Variants in RNF150 observed in about 807,000 individuals in gnomAD.
RNF150 encodes the protein ring finger protein 150.
RNF150 carries 24 observed loss-of-function variants against 39.3 expected under a neutral mutation model. The ratio of observed to expected loss-of-function variants is 0.61; its 90% CI spans 0.44 to 0.86. RNF150 has a LOEUF of 0.86. Ranked by LOEUF, RNF150 falls within the 40% of genes least tolerant of loss-of-function variation. RNF150 has a pLI of 0.00. For missense variants in RNF150, 502 were observed against 587.8 expected (o/e 0.85, Z 1.51); for synonymous variants, 255 against 227.3 (o/e 1.12, Z -1.10).
At chr4:140,937,897 C>T (rs951905898) in intron 4 of RNF150, among the ~76,000 whole-genome samples, 2 of 151,868 alleles carry the variant, frequency 1.3e-5, no homozygotes, top group African/African-American at 4.8e-5. Flanking sequence ...TAAGTCAAAT[C>T]CTATGAAAAT....
chr4:141,078,664 C>T (rs1347792596), intron 1 of RNF150, among the ~76,000 whole-genome samples: 1 of 150,704 alleles, frequency 6.6e-6, no homozygotes, highest in African/African-American at 2.4e-5. Context: ...GTGGCAGGCA[C>T]CTGTAGTCCC....
intron 1 of RNF150, among the ~76,000 whole-genome samples, chr4:141,128,102 G>A (rs751141221): frequency 2.0e-5 from 3 of 152,166 alleles, no homozygotes; most frequent in African/African-American, 4.8e-5. Flanking sequence ...GGGTAAATAA[G>A]GAGTTCTTTC....
intron 4 of RNF150, among the ~76,000 whole-genome samples, chr4:140,927,455 T>C (rs1397599562): frequency 1.3e-5 from 2 of 152,058 alleles, no homozygotes; most frequent in Non-Finnish European, 2.9e-5. Context: ...TCATGAGATC[T>C]GGTCATTTAA....
At chr4:140,960,789 G>C (rs1732990541) in intron 2 of RNF150, among the ~76,000 whole-genome samples, 1 of 152,142 alleles carries the variant, frequency 6.6e-6, no homozygotes, top group Non-Finnish European at 1.5e-5. Flanking sequence ...TATATGTAAG[G>C]TATGTAAGAA....
chr4:141,135,340 C>G (rs1287877736), upstream of RNF150, among the ~76,000 whole-genome samples: 1 of 152,202 alleles, frequency 6.6e-6, no homozygotes, highest in Non-Finnish European at 1.5e-5. Flanking sequence ...ATAGCATCCT[C>G]CACGAAAAGC....
At chr4:140,969,760 T>C (rs1386893599) in intron 1 of RNF150, among the ~76,000 whole-genome samples, 2 of 115,480 alleles carry the variant, frequency 1.7e-5, no homozygotes, top group African/African-American at 4.4e-5. Context: ...GTTTTACTTT[T>C]TTTTTTTTTT....
chr4:141,000,805 T>C (rs1335725427), intron 1 of RNF150, among the ~76,000 whole-genome samples: 1 of 152,198 alleles, frequency 6.6e-6, no homozygotes, highest in Non-Finnish European at 1.5e-5. Context: ...CACGTAAATG[T>C]TAACTCCTTG....
intron 1 of RNF150, among the ~76,000 whole-genome samples, chr4:141,086,421 T>G (rs1457448342): frequency 6.6e-6 from 1 of 152,130 alleles, no homozygotes. Context: ...AATATCTGAC[T>G]TTATCCCTAT....
chr4:140,898,192 A>G (rs1247186174), intron 6 of RNF150, among the ~76,000 whole-genome samples: 3 of 152,186 alleles, frequency 2.0e-5, no homozygotes, highest in African/African-American at 7.2e-5. Flanking sequence ...TCCTAAAATT[A>G]GGAACTGCCT....
intron 1 of RNF150, among the ~76,000 whole-genome samples, chr4:141,105,784 A>G (rs1464121967): frequency 6.6e-6 from 1 of 152,184 alleles, no homozygotes; most frequent in Non-Finnish European, 1.5e-5. Flanking sequence ...AGTTTCTAGA[A>G]ATTATTTCCA....
At chr4:141,010,099 A>ACTT (rs1735022099) in intron 1 of RNF150, among the ~76,000 whole-genome samples, 7 of 152,366 alleles carry the variant, frequency 4.6e-5, no homozygotes, top group African/African-American at 1.7e-4. Flanking sequence ...AAAGACAATG[A>ACTT]GCACTTGCAC....
chr4:141,198,231 T>G (rs1218831653), intron 1 of RNF150, among the ~76,000 whole-genome samples: 2 of 152,074 alleles, frequency 1.3e-5, no homozygotes, highest in Non-Finnish European at 2.9e-5. Flanking sequence ...TTCACCATGT[T>G]GGCCAGGCTG....
At chr4:141,019,767 A>C (rs1357589814) in intron 1 of RNF150, among the ~76,000 whole-genome samples, 1 of 152,208 alleles carries the variant, frequency 6.6e-6, no homozygotes, top group African/African-American at 2.4e-5. Context: ...TAAGTTACAG[A>C]TGTTTCCGGC....
chr4:141,200,053 T>C (rs1327061941), intron 1 of RNF150, among the ~76,000 whole-genome samples: 1 of 152,126 alleles, frequency 6.6e-6, no homozygotes, highest in Non-Finnish European at 1.5e-5. Context: ...AATTTTAAAT[T>C]AATTAAATTA....
rs185914744 is a variant in RNF150 at position 141,168,192 on chromosome 4, A to C, written c.-6+44602T>G. Among the ~76,000 whole-genome samples the C allele has an allele frequency of 1.2e-4, 19 of 152,354 alleles. 1 individual carries two copies. Among genetic ancestry groups the C allele is most frequent in the Admixed American group, 1.2e-3 (19 of 15,308 alleles). ...TTATGTGGCCAGCAAGCATATGAAA[A>C]AAAGCTCATCATCACTGGTCATTAG... is the stretch of plus-strand genomic sequence containing the variant. On this transcript the variant is annotated intron_variant, in intron 1 of 7. Coordinates refer to the RNF150 transcript ENST00000420921.
rs192664889 is a variant in RNF150 at position 141,065,411 on chromosome 4, A to T, written c.484+66914T>A. On this transcript the variant is annotated intron_variant, in intron 1 of 6. Coordinates refer to ENST00000515673, the MANE Select transcript of RNF150 (RefSeq NM_020724.2). ...TTTCTGACTCTACTAAAAAATTTAT[A>T]TGAAACTATTAGAAAGAGTTTACAA... Among the ~76,000 whole-genome samples, 10 of 152,318 alleles carry T rather than the reference A, an allele frequency of 6.6e-5. No homozygotes were observed. The East Asian group carries it at 1.7e-3, about 26-fold the overall frequency.
intron 2 of RNF150, among the ~76,000 whole-genome samples, chr4:140,958,965 T>C (rs969766196): frequency 6.6e-6 from 1 of 152,182 alleles, no homozygotes; most frequent in Non-Finnish European, 1.5e-5. Flanking sequence ...TCAGGGCTTC[T>C]ACCAGTGCCC....
intron 1 of RNF150, among the ~76,000 whole-genome samples, chr4:141,164,593 A>G (rs910016515): frequency 6.6e-6 from 1 of 152,242 alleles, no homozygotes; most frequent in Non-Finnish European, 1.5e-5. Context: ...CCATCAGACT[A>G]GCAGCAGATC....
At chr4:140,930,149 A>T (rs1020475701) in intron 4 of RNF150, among the ~76,000 whole-genome samples, 2 of 152,114 alleles carry the variant, frequency 1.3e-5, no homozygotes, top group African/African-American at 2.4e-5. Flanking sequence ...TGACAGAGCA[A>T]GACTCTACCT....
Sources: gnomAD v4.1 joint callset for allele counts (sites outside exome capture counted in the v4.1 genomes callset) on GRCh38, gnomAD v4.1.1 for gene constraint, MANE v1.5 for transcripts, NCBI Gene and HGNC (gene_info 2026-07-23, HGNC 2026-07-21) for gene names.